Variants in LCORL observed in about 807,000 individuals in gnomAD.
LCORL encodes the protein ligand-dependent nuclear receptor corepressor-like protein.
LCORL carries 41 observed loss-of-function variants against 141.8 expected under a neutral mutation model. The ratio of observed to expected loss-of-function variants is 0.29; its 90% CI spans 0.23 to 0.38. LCORL has a LOEUF of 0.38. Among genes scored for constraint, LCORL ranks in the 10% least tolerant of loss-of-function variants. LCORL has a pLI of 1.00. For missense variants in LCORL, 1,759 were observed against 2,035.0 expected, an observed-to-expected ratio of 0.86 and a Z score of 2.61; for synonymous variants, 618 against 694.1, an observed-to-expected ratio of 0.89 and a Z score of 1.72.
At chr4:17,879,524 G>A (rs1030401275) in intron 6 of LCORL, among the ~76,000 whole-genome samples, 2 of 150,990 alleles carry the variant, frequency 1.3e-5, no homozygotes, top group Admixed American at 1.3e-4. Context: ...GATGAAGATA[G>A]GACATGACCC....
chr4:17,857,904 T>G (rs1281063869), intron 7 of LCORL, among the ~76,000 whole-genome samples: 1 of 152,202 alleles, frequency 6.6e-6, no homozygotes, highest in Non-Finnish European at 1.5e-5. Flanking sequence ...CCCAAGAACA[T>G]TTAACATTGC....
chr4:17,900,283 T>C (rs1730669888), intron 5 of LCORL, among the ~76,000 whole-genome samples: 1 of 152,196 alleles, frequency 6.6e-6, no homozygotes, highest in Non-Finnish European at 1.5e-5. Context: ...TCTCACCTTA[T>C]TAAAAAAGCT....
At chr4:17,922,614 A>G (rs1209989666) in intron 4 of LCORL, among the ~76,000 whole-genome samples, 1 of 152,200 alleles carries the variant, frequency 6.6e-6, no homozygotes, top group Non-Finnish European at 1.5e-5. Flanking sequence ...ATCTCCTGTC[A>G]AGAAAGAGCT....
rs576575500 is a variant in LCORL at position 17,911,728 on chromosome 4, G to A, written c.431-2383C>T. On this transcript the variant is annotated intron_variant, in intron 4 of 7. Transcript: ENST00000635767. ...CACCAGCTACTGTTTCCTGGACTCC[G>A]TCCAAGCGCCCAGCTATGGTGCCTG... 20 of 478,816 alleles carry A rather than the reference G, an allele frequency of 4.2e-5. 1 individual carries two copies. The highest frequency in any genetic ancestry group is 1.8e-4 in the South Asian group (11 of 59,850). 29.7% of individuals were successfully genotyped at this position (478,816 alleles called of 1,614,324 possible).
At chr4:17,907,982 A>C (rs187686145) in intron 5 of LCORL, among the ~76,000 whole-genome samples, 2 of 152,326 alleles carry the variant, frequency 1.3e-5, no homozygotes, top group East Asian at 1.9e-4. Context: ...TCTAAATTTT[A>C]ATCTGATTTA....
At chr4:17,895,105 A>G (rs1729711955) in intron 5 of LCORL, among the ~76,000 whole-genome samples, 1 of 151,862 alleles carries the variant, frequency 6.6e-6, no homozygotes, top group African/African-American at 2.4e-5. Flanking sequence ...ACATACATGT[A>G]TACATGTACA....
chr4:17,848,683 A>G (rs1723224552), intron 7 of LCORL, among the ~76,000 whole-genome samples: 1 of 152,252 alleles, frequency 6.6e-6, no homozygotes, highest in Non-Finnish European at 1.5e-5. Flanking sequence ...TGGGCGCAGG[A>G]CAGCGGGTGC....
At chr4:18,000,810 G>A (rs1256020482) in intron 1 of LCORL, among the ~76,000 whole-genome samples, 3 of 152,168 alleles carry the variant, frequency 2.0e-5, no homozygotes, top group Non-Finnish European at 4.4e-5. Context: ...ACTTCTGGGG[G>A]TTCCATTTCT....
chr4:17,930,696 C>A (rs73802707), intron 4 of LCORL, among the ~76,000 whole-genome samples: 1 of 151,940 alleles, frequency 6.6e-6, no homozygotes, highest in African/African-American at 2.4e-5. Flanking sequence ...TTACGTTTGA[C>A]GCTTTTGTAT....
intron 4 of LCORL, among the ~76,000 whole-genome samples, chr4:17,961,136 A>G (rs1456273443): frequency 6.6e-6 from 1 of 152,116 alleles, no homozygotes; most frequent in African/African-American, 2.4e-5. Flanking sequence ...ATGTTTTCTT[A>G]ATCTCAAAGT....
intron 4 of LCORL, chr4:17,912,460 T>C: frequency 1.8e-6 from 1 of 558,452 alleles, no homozygotes; most frequent in Non-Finnish European, 3.4e-6. Context: ...CTGGGCCCAA[T>C]ACGATGAGCT....
intron 4 of LCORL, among the ~76,000 whole-genome samples, chr4:17,914,484 T>C (rs1013235457): frequency 2.6e-5 from 4 of 152,246 alleles, no homozygotes; most frequent in African/African-American, 9.6e-5. Flanking sequence ...ACTCACTTTT[T>C]GTCCCTTTAT....
At chr4:17,879,448 TCAAA>T (rs938893912) in intron 6 of LCORL, among the ~76,000 whole-genome samples, 69 of 151,132 alleles carry the variant, frequency 4.6e-4, no homozygotes, top group Middle Eastern at 3.4e-3. Context: ...AAAGAAGCTA[TCAAA>T]CAAAGTGAGA....
At chr4:17,947,387 G>C (rs1739050579) in intron 4 of LCORL, among the ~76,000 whole-genome samples, 1 of 151,922 alleles carries the variant, frequency 6.6e-6, no homozygotes, top group Non-Finnish European at 1.5e-5. Flanking sequence ...GTACAGAGTA[G>C]AATACAAAGG....
At chr4:17,870,159 A>T (rs565117079) in intron 7 of LCORL, among the ~76,000 whole-genome samples, 10 of 152,002 alleles carry the variant, frequency 6.6e-5, no homozygotes, top group Admixed American at 2.0e-4. Context: ...GCTCTTTTTT[A>T]AAAAAAATTT....
At chr4:17,945,586 A>C (rs1738747231) in intron 4 of LCORL, among the ~76,000 whole-genome samples, 1 of 152,090 alleles carries the variant, frequency 6.6e-6, no homozygotes, top group Admixed American at 6.6e-5. Flanking sequence ...CAAGCATTAC[A>C]AATTTTACTT....
At chr4:17,886,117 A>G (rs931395046) in exon 6 of LCORL, 10 of 1,606,796 alleles carry the variant, frequency 6.2e-6, no homozygotes, top group Non-Finnish European at 3.4e-6. Context: ...GACTCTTCAG[A>G]TTTTATGCTG....
At chr4:17,843,627 G>T in exon 8 of LCORL, 1 of 421,714 alleles carries the variant, frequency 2.4e-6, no homozygotes, top group Non-Finnish European at 4.4e-6. Context: ...GCATCAGTCA[G>T]TCACACAGAT....
At chr4:17,930,204 C>A (rs1310979512) in intron 4 of LCORL, among the ~76,000 whole-genome samples, 2 of 152,098 alleles carry the variant, frequency 1.3e-5, no homozygotes, top group African/African-American at 4.8e-5. Context: ...AGCTTTTCCT[C>A]AAAAATGTAA....
Sources: allele counts gnomAD v4.1 joint callset (sites outside exome capture counted in the v4.1 genomes callset), GRCh38; gene constraint gnomAD v4.1.1; transcripts MANE v1.5; gene names NCBI Gene and HGNC (gene_info 2026-07-23, HGNC 2026-07-21).